CAPRIN1: variants seen among roughly 807,000 people sequenced by gnomAD.
CAPRIN1 encodes the protein caprin-1.
Under a neutral mutation model 100.9 loss-of-function variants are expected in CAPRIN1, and 29 were observed. The ratio of observed to expected loss-of-function variants is 0.29; its 90% CI spans 0.21 to 0.39. The LOEUF (loss-of-function observed/expected upper bound fraction) is 0.39. Among genes scored for constraint, CAPRIN1 ranks in the 10% least tolerant of loss-of-function variants. The probability of loss-of-function intolerance (pLI) is 1.00; values close to 1 mark genes in which losing one functional copy is unlikely to be tolerated. For synonymous variants in CAPRIN1, 338 were observed against 307.5 expected (o/e 1.10, Z -1.04); for missense variants, 795 against 876.7 (o/e 0.91, Z 1.18).
chr11:34,069,907 T>TAAA (rs59107049), intron 2 of CAPRIN1, among the ~76,000 whole-genome samples: 2 of 137,976 alleles, frequency 1.4e-5, no homozygotes, highest in African/African-American at 5.3e-5. Flanking sequence ...TCATTTGACC[T>TAAA]AAAAAAAAAA....
intron 15 of CAPRIN1, 166 bp from the exon 16 acceptor site, chr11:34,096,313 A>AG: frequency 1.9e-6 from 1 of 539,020 alleles, no homozygotes; most frequent in Non-Finnish European, 3.2e-6. Context: ...GGTAGGAGAA[A>AG]GGTAAGAGAC....
chr11:34,098,157 AT>A, intron 18 of CAPRIN1: 1 of 1,004,012 alleles, frequency 1.0e-6, no homozygotes, highest in South Asian at 4.1e-5. Context: ...TTTTTGAAAC[AT>A]GCCTATTATA....
Position 34,097,294 on chromosome 11 carries a change from C to G in CAPRIN1, c.1999C>G (p.Arg667Gly), listed in dbSNP as rs1353863066. Residue 667 changes from arginine (R) to glycine (G), a missense_variant and splice_region_variant, in exon 17 of 19, where the codon CGG becomes GGG. Arg to Gly is a moderately radical substitution (Grantham distance 125, BLOSUM62 -2). Around this residue, in one of 3 missense-constraint regions of CAPRIN1, gnomAD observed 648 missense variants for 697.9 expected, o/e 0.93. Coordinates refer to ENST00000341394, the MANE Select transcript of CAPRIN1 (RefSeq NM_005898.5). ...TCCCCGGGATTACTCTGGCTATCAACGGGTAGGTAAAGTAGTTCTAAAGTG... is the reference window on the plus strand; with the variant it reads ...TCCCCGGGATTACTCTGGCTATCAAGGGGTAGGTAAAGTAGTTCTAAAGTG... ...SAPRDYSGYQ[R>G]DGYQQNFKRG... The G allele has an allele frequency of 6.2e-7, 1 of 1,602,364 alleles. No homozygotes were observed.
At chr11:34,056,503 G>A (rs1590717575) in intron 2 of CAPRIN1, 1 of 152,160 alleles carries the variant, frequency 6.6e-6, no homozygotes, top group African/African-American at 2.4e-5. Context: ...AAGAGTACAT[G>A]AATGTTTAGC....
chr11:34,052,705 G>T, intron 2 of CAPRIN1, 69 bp downstream of exon 2: 1 of 1,494,698 alleles, frequency 6.7e-7, no homozygotes, highest in Non-Finnish European at 9.1e-7. Context: ...GACCCTGGTC[G>T]CTGGAGCCTT....
At position 34,051,830 on chromosome 11, in the gene CAPRIN1, AGCTGCCCACTCG is replaced by A. The variant is rs1850308734; in HGVS notation, c.-41_-30del. 1.3e-5 allele frequency: 2 copies of A among 150,410 alleles called. No homozygotes were observed. Among genetic ancestry groups the A allele is most frequent in the Admixed American group, 1.3e-4 (2 of 15,064 alleles). 9.3% of individuals were successfully genotyped at this position (150,410 alleles called of 1,614,324 possible). A position where few individuals can be genotyped will look rare whatever the true frequency, so the allele number is the denominator to read the frequency against. On this transcript the variant is annotated 5_prime_UTR_variant, in exon 1 of 19. In the 5' UTR this introduces an upstream ATG that the reference lacks. Transcript: ENST00000341394. ...AAGGGACCACCACCCTTGCCCCCTCAGCTGCCCACTCGTGATTTCCAGCGGCCTCCGCGCGCG... is the reference window on the plus strand; with the variant it reads ...AAGGGACCACCACCCTTGCCCCCTCATGATTTCCAGCGGCCTCCGCGCGCG...
chr11:34,089,753 G>A (rs897041676), intron 12 of CAPRIN1, among the ~76,000 whole-genome samples: 1 of 152,064 alleles, frequency 6.6e-6, no homozygotes, highest in Admixed American at 6.5e-5. Flanking sequence ...ATAGCTGTCA[G>A]CCTTTATTTT....
At chr11:34,086,597 CTGTT>C (rs1851150238) in intron 11 of CAPRIN1, among the ~76,000 whole-genome samples, 184 bp downstream of exon 11, 1 of 152,180 alleles carries the variant, frequency 6.6e-6, no homozygotes, top group South Asian at 2.1e-4. Context: ...TAGTTTATAA[CTGTT>C]TATTTTTAAA....
chr11:34,074,226 A>G (rs895937938), intron 4 of CAPRIN1, among the ~76,000 whole-genome samples: 6 of 152,336 alleles, frequency 3.9e-5, no homozygotes, highest in Admixed American at 6.5e-5. Context: ...CAGGATTGCT[A>G]TACAGTTTAA....
rs867402059 is a variant in CAPRIN1, at chr11:34,090,189, T to C, written c.1304T>C (p.Val435Ala). The stretch of plus-strand genomic sequence containing the variant: ...TTTACTTATGTCTAGGTTCCTTTGG[T>C]ATCATCCACAAGTGAGGGGTACACA... The part of the protein sequence containing the change: ...VQPEATQVPL[V>A]SSTSEGYTAS... Residue 435 changes from valine to alanine, a missense_variant, in exon 13 of 19, where the codon GTA (valine) becomes GCA (alanine). By Grantham distance (64) the Val-to-Ala change is moderately conservative (BLOSUM62 0). Coordinates refer to ENST00000341394, the MANE Select transcript of CAPRIN1 (RefSeq NM_005898.5). 6.2e-7 allele frequency: 1 copy of C among 1,608,286 alleles called. No homozygotes were observed. The highest frequency in any genetic ancestry group is 1.7e-4 in the Middle Eastern group (1 of 6,048).
intron 9 of CAPRIN1, among the ~76,000 whole-genome samples, chr11:34,085,481 C>T (rs1411613110): frequency 2.0e-5 from 3 of 152,138 alleles, no homozygotes; most frequent in Non-Finnish European, 4.4e-5. Flanking sequence ...GATGTAAACA[C>T]AGGTAATCTT....
At chr11:34,058,254 A>G (rs578027965) in intron 2 of CAPRIN1, among the ~76,000 whole-genome samples, 143 of 152,026 alleles carry the variant, frequency 9.4e-4, no homozygotes, top group African/African-American at 3.3e-3. Flanking sequence ...CTCATGCCTC[A>G]GCCTCCCGAG....
chr11:34,082,687 T>G (rs982879088), intron 7 of CAPRIN1, 138 bp from the exon 8 acceptor site: 8 of 648,404 alleles, frequency 1.2e-5, no homozygotes, highest in Non-Finnish European at 1.9e-5. Context: ...AGTTTACATA[T>G]GGGTTTACTC....
intron 4 of CAPRIN1, among the ~76,000 whole-genome samples, chr11:34,072,300 G>GATA (rs1289909680): frequency 7.0e-6 from 1 of 143,816 alleles, no homozygotes; most frequent in Non-Finnish European, 1.5e-5. Context: ...TGGGCAACGT[G>GATA]ATAAAACCCC....
In CAPRIN1 at chr11:34,092,019, A is replaced by C. The variant is rs1214802385; in HGVS notation, c.1668A>C (p.Val556=). Residue 556 remains valine (V), a synonymous_variant, in exon 15 of 19, where the codon GTA becomes GTC. Transcript: ENST00000341394. ...GCTTTTCTAGTCAGCCTCACCAAGT[A>C]GAACAAACAGAGCTTCAGCAAGAAC... ...NQSFSSQPHQ[V]EQTELQQEQL... 1.2e-6 allele frequency: 2 copies of C among 1,614,050 alleles called. No individual in the cohort carries two copies. Among genetic ancestry groups the C allele is most frequent in the Non-Finnish European group, 1.7e-6 (2 of 1,180,022 alleles).
intron 2 of CAPRIN1, among the ~76,000 whole-genome samples, chr11:34,067,874 A>T (rs977001550): frequency 6.6e-6 from 1 of 152,088 alleles, no homozygotes; most frequent in African/African-American, 2.4e-5. Context: ...TTCCATGAAG[A>T]TGTGTACCAT....
intron 2 of CAPRIN1, among the ~76,000 whole-genome samples, chr11:34,066,094 C>T (rs1850685947): frequency 6.6e-6 from 1 of 152,044 alleles, no homozygotes; most frequent in South Asian, 2.1e-4. Context: ...AGTGATCCTC[C>T]TACCTGCACC....
chr11:34,081,902 C>T (rs1851038893), intron 7 of CAPRIN1, among the ~76,000 whole-genome samples: 1 of 152,186 alleles, frequency 6.6e-6, no homozygotes, highest in Non-Finnish European at 1.5e-5. Flanking sequence ...ACCTCTGCCT[C>T]CCGGGTTCAA....
At chr11:34,092,835 C>G (rs80070422) in intron 15 of CAPRIN1, among the ~76,000 whole-genome samples, 2 of 152,008 alleles carry the variant, frequency 1.3e-5, no homozygotes, top group South Asian at 2.1e-4. Flanking sequence ...ATACCTGTCA[C>G]GATAGTAATG....
Sources: gnomAD v4.1 joint callset for allele counts (sites outside exome capture counted in the v4.1 genomes callset) on GRCh38, gnomAD v4.1.1 for gene constraint, gnomAD v4.1.1 regional missense constraint, MANE v1.5 for transcripts, NCBI Gene and HGNC (gene_info 2026-07-23, HGNC 2026-07-21) for gene names.